Variants in PKIB observed in about 807,000 individuals in gnomAD.
The protein encoded by PKIB is PKI-beta.
PKIB carries 2 observed loss-of-function variants against 4.5 expected under a neutral mutation model. The observed-to-expected ratio is 0.44, with a 90% CI of 0.18 to 1.39. The LOEUF (loss-of-function observed/expected upper bound fraction) is 1.39. Among genes scored for constraint, PKIB ranks in the 40% most tolerant of loss-of-function variants. PKIB has a pLI of 0.27. For synonymous variants in PKIB, 38 were observed against 36.0 expected (o/e 1.06, Z -0.20); for missense variants, 94 against 92.6 (o/e 1.02, Z -0.06).
intron 1 of PKIB, among the ~76,000 whole-genome samples, chr6:122,474,349 A>G (rs990055908): frequency 1.3e-5 from 2 of 152,190 alleles, no homozygotes; most frequent in Non-Finnish European, 2.9e-5. Context: ...AGCATGTTCA[A>G]TTCCTTCACT....
chr6:122,540,586 G>A (rs1385949060), intron 2 of PKIB, among the ~76,000 whole-genome samples: 1 of 151,858 alleles, frequency 6.6e-6, no homozygotes, highest in Non-Finnish European at 1.5e-5. Flanking sequence ...TTGCTGAGGA[G>A]TGCTTTACTT....
chr6:122,676,178 A>G (rs1022728105), intron 3 of PKIB, among the ~76,000 whole-genome samples: 40 of 151,894 alleles, frequency 2.6e-4, no homozygotes, highest in Admixed American at 1.4e-3. Context: ...ACAGTGACAG[A>G]TCATCAGGCA....
At chr6:122,704,637 A>G (rs764955717) in intron 3 of PKIB, among the ~76,000 whole-genome samples, 1 of 152,126 alleles carries the variant, frequency 6.6e-6, no homozygotes, top group Non-Finnish European at 1.5e-5. Flanking sequence ...TACACAGAAG[A>G]CCAATTCTTA....
intron 2 of PKIB, among the ~76,000 whole-genome samples, chr6:122,521,073 G>A (rs1218735100): frequency 6.6e-6 from 1 of 152,132 alleles, no homozygotes; most frequent in Non-Finnish European, 1.5e-5. Context: ...AGAAGAATTG[G>A]GCCCTATCTG....
At chr6:122,561,146 G>A (rs567103784) in intron 2 of PKIB, among the ~76,000 whole-genome samples, 28 of 151,824 alleles carry the variant, frequency 1.8e-4, no homozygotes, top group African/African-American at 6.3e-4. Context: ...GTCAGTTTGT[G>A]CACTTTCAGT....
intron 2 of PKIB, among the ~76,000 whole-genome samples, chr6:122,543,404 G>A (rs928392056): frequency 4.5e-5 from 5 of 111,536 alleles, no homozygotes; most frequent in African/African-American, 1.5e-4. Flanking sequence ...CACTCTTGTT[G>A]CCTGGAGTGC....
intron 3 of PKIB, among the ~76,000 whole-genome samples, chr6:122,589,384 A>G (rs540246114): frequency 6.6e-6 from 1 of 152,262 alleles, no homozygotes; most frequent in South Asian, 2.1e-4. Flanking sequence ...TATATAATAT[A>G]TCTAGATCCA....
chr6:122,536,257 C>A (rs1190942200), intron 2 of PKIB, among the ~76,000 whole-genome samples: 1 of 152,056 alleles, frequency 6.6e-6, no homozygotes, highest in African/African-American at 2.4e-5. Flanking sequence ...ATTTTTATAG[C>A]CTTGAAAATG....
intron 2 of PKIB, among the ~76,000 whole-genome samples, chr6:122,511,057 C>G (rs9490464): frequency 0.14 from 21,368 of 152,100 alleles, 1,609 homozygotes; most frequent in East Asian, 0.26. Context: ...ACTTAGTAGA[C>G]GTGGTTCAGG....
At chr6:122,530,475 A>G (rs1270943334) in intron 2 of PKIB, among the ~76,000 whole-genome samples, 2 of 152,020 alleles carry the variant, frequency 1.3e-5, no homozygotes, top group African/African-American at 4.8e-5. Context: ...TGATTGTGCC[A>G]TGTTTTTTCT....
At chr6:122,712,052 C>T (rs1160728347) in intron 3 of PKIB, among the ~76,000 whole-genome samples, 1 of 152,050 alleles carries the variant, frequency 6.6e-6, no homozygotes, top group Non-Finnish European at 1.5e-5. Context: ...AAAAAAATTA[C>T]GCAGGTCTAC....
chr6:122,548,563 A>G (rs1275126888), intron 2 of PKIB, among the ~76,000 whole-genome samples: 1 of 152,224 alleles, frequency 6.6e-6, no homozygotes, highest in Non-Finnish European at 1.5e-5. Flanking sequence ...TGTAGATATT[A>G]TTCAAAGTGC....
chr6:122,476,914 C>T (rs976774349), intron 1 of PKIB, among the ~76,000 whole-genome samples: 1 of 152,120 alleles, frequency 6.6e-6, no homozygotes, highest in African/African-American at 2.4e-5. Context: ...ATTTGGCACT[C>T]ATCAGATTTT....
At chr6:122,500,503 T>C (rs1004105811) in intron 2 of PKIB, among the ~76,000 whole-genome samples, 7 of 152,152 alleles carry the variant, frequency 4.6e-5, no homozygotes, top group African/African-American at 1.7e-4. Flanking sequence ...ATATAAACCT[T>C]TATGCTGTGC....
chr6:122,529,363 G>C (rs1268341169), intron 2 of PKIB, among the ~76,000 whole-genome samples: 1 of 152,024 alleles, frequency 6.6e-6, no homozygotes, highest in Non-Finnish European at 1.5e-5. Flanking sequence ...ACTTTATGTT[G>C]TTGAGGTTAC....
chr6:122,652,334 G>GA (rs1264393970), intron 2 of PKIB, among the ~76,000 whole-genome samples: 2 of 57,644 alleles, frequency 3.5e-5, no homozygotes, highest in Non-Finnish European at 6.2e-5. Flanking sequence ...GTGTGTGTGT[G>GA]GAGAGAGAGA....
At chr6:122,562,628 CT>C (rs1215729029) in intron 2 of PKIB, among the ~76,000 whole-genome samples, 3 of 152,184 alleles carry the variant, frequency 2.0e-5, no homozygotes, top group Non-Finnish European at 4.4e-5. Context: ...TAATCCCAGA[CT>C]TCTTGGAGAC....
At chr6:122,520,636 T>G (rs1267874972) in intron 2 of PKIB, among the ~76,000 whole-genome samples, 3 of 151,302 alleles carry the variant, frequency 2.0e-5, no homozygotes, top group Non-Finnish European at 4.4e-5. Context: ...TCTGTAAATG[T>G]GTGGTGTGGG....
chr6:122,601,360 A>T (rs1369672220), intron 3 of PKIB, among the ~76,000 whole-genome samples: 1 of 152,198 alleles, frequency 6.6e-6, no homozygotes, highest in Admixed American at 6.5e-5. Flanking sequence ...AAGAAAACTT[A>T]AAAGAAATTA....
Sources: gnomAD v4.1 joint callset for allele counts (sites outside exome capture counted in the v4.1 genomes callset) on GRCh38, gnomAD v4.1.1 for gene constraint, MANE v1.5 for transcripts, NCBI Gene and HGNC (gene_info 2026-07-23, HGNC 2026-07-21) for gene names.